Variants in RNASEH2A observed in about 807,000 individuals in gnomAD.
The protein encoded by RNASEH2A is RNase H(35).
Under a neutral mutation model 32.7 loss-of-function variants are expected in RNASEH2A, and 30 were observed. That is an observed-to-expected ratio of 0.92 (90% confidence interval 0.69 to 1.25). RNASEH2A has a LOEUF of 1.25. Ranked by LOEUF, RNASEH2A falls within the 50% of genes most tolerant of loss-of-function variation. RNASEH2A has a pLI of 0.00. For missense variants in RNASEH2A, 409 were observed against 398.1 expected (o/e 1.03, Z -0.23); for synonymous variants, 147 against 165.4 (o/e 0.89, Z 0.86).
intron 6 of RNASEH2A, among the ~76,000 whole-genome samples, chr19:12,812,806 A>C (rs1447798406): frequency 6.6e-6 from 1 of 151,912 alleles, no homozygotes; most frequent in East Asian, 1.9e-4. Context: ...AGCAATTGAG[A>C]CCATCCTGGC....
intron 6 of RNASEH2A, among the ~76,000 whole-genome samples, chr19:12,812,742 C>T (rs907837134): frequency 2.0e-5 from 3 of 150,646 alleles, no homozygotes; most frequent in Non-Finnish European, 3.0e-5. Flanking sequence ...CGTGGTGGCT[C>T]ATGCCTGTAA....
At chr19:12,810,255 A>G (rs770694094) in intron 5 of RNASEH2A, 47 bp downstream of exon 5, 10 of 1,613,998 alleles carry the variant, frequency 6.2e-6, no homozygotes, top group Admixed American at 5.0e-5. Context: ...CCCACTATAT[A>G]GGGGCCAGGC....
intron 1 of RNASEH2A, 97 bp from the exon 2 acceptor site, chr19:12,806,911 A>G (rs1226507264): frequency 1.9e-5 from 31 of 1,599,266 alleles, no homozygotes; most frequent in Non-Finnish European, 2.6e-5. Flanking sequence ...GATGGCACCT[A>G]AAGAAGCAGT....
Position 12,806,645 on chromosome 19 carries a change from T to C in RNASEH2A, c.-29T>C, listed in dbSNP as rs1363454471. The C allele has an allele frequency of 1.9e-6, 3 of 1,569,056 alleles. No individual in the cohort carries two copies. Among genetic ancestry groups the C allele is most frequent in the Non-Finnish European group, 2.6e-6 (3 of 1,157,040 alleles). ...AGACCCGCTCCTGCAGTATTAGTTC[T>C]TGCAGCTGGTGGTGGCGGCTGAGGC... On this transcript the variant is annotated 5_prime_UTR_variant, in exon 1 of 8. Transcript: ENST00000221486.
At chr19:12,809,317 A>G (rs533148396) in intron 4 of RNASEH2A, among the ~76,000 whole-genome samples, 6 of 152,346 alleles carry the variant, frequency 3.9e-5, no homozygotes, top group Middle Eastern at 3.4e-3. Flanking sequence ...ACTTTCCCCC[A>G]GCAGCTCTTG....
intron 4 of RNASEH2A, among the ~76,000 whole-genome samples, chr19:12,809,440 C>G (rs936063381): frequency 6.6e-6 from 1 of 152,184 alleles, no homozygotes; most frequent in Admixed American, 6.5e-5. Flanking sequence ...GAGCCCTCTT[C>G]CCCAGATCTC....
At chr19:12,809,747 C>A (rs969249018) in intron 4 of RNASEH2A, among the ~76,000 whole-genome samples, 1 of 151,866 alleles carries the variant, frequency 6.6e-6, no homozygotes, top group Non-Finnish European at 1.5e-5. Flanking sequence ...AAAGCCTCTT[C>A]AGGAGGTGAG....
At chr19:12,810,455 C>T (rs1185373092) in intron 6 of RNASEH2A, 51 bp downstream of exon 6, 2 of 1,433,354 alleles carry the variant, frequency 1.4e-6, no homozygotes, top group African/African-American at 2.8e-5. Context: ...CAGGGCTGAG[C>T]ACACTTCTGA....
Position 12,807,233 on chromosome 19 carries a change from G to A in RNASEH2A, c.227G>A (p.Arg76Gln), listed in dbSNP as rs747608935. The change falls in exon 3 of 8, where the codon CGG becomes CAG. Residue 76 changes from arginine (R) to glutamine (Q), a missense_variant. By Grantham distance (43) the Arg-to-Gln change is conservative. Coordinates refer to ENST00000221486, the MANE Select transcript of RNASEH2A (RefSeq NM_006397.3). ...ADSKTLLESE[R>Q]ERLFAKMEDT... The stretch of plus-strand genomic sequence containing the variant: ...TCAAAGACCCTATTGGAGAGCGAGC[G>A]GGAAAGGCTGTTTGCGAAAATGGAG... 28 of 1,614,072 alleles carry A rather than the reference G, an allele frequency of 1.7e-5. No homozygotes were observed. In the South Asian group the frequency reaches 2.2e-4, roughly 13 times the overall value.
Position 12,813,176 on chromosome 19 carries a change from T to G in RNASEH2A, c.731T>G (p.Ile244Ser), listed in dbSNP as rs1445144208. 6.2e-7 allele frequency: 1 copy of G among 1,613,864 alleles called. No individual in the cohort carries two copies. ...TTCAGCTGGCGCACGGCCCAGACCATCCTGGAGAAAGAGGCGGAAGATGTT... is the reference window on the plus strand; with the variant it reads ...TTCAGCTGGCGCACGGCCCAGACCAGCCTGGAGAAAGAGGCGGAAGATGTT... ...VRFSWRTAQT[I>S]LEKEAEDVIW... The change falls in exon 7 of 8, where the codon ATC becomes AGC. Residue 244 changes from isoleucine (I) to serine (S), a missense_variant. By Grantham distance (142) the Ile-to-Ser change is moderately radical. Transcript: ENST00000221486.
Position 12,807,328 on chromosome 19 carries a change from C to A in RNASEH2A, c.322C>A (p.Arg108=), listed in dbSNP as rs76436818. Reference sequence around the variant, plus strand: ...CCTCATCTCTACCAGCATGCTTGGGCGGTGAGGGGTCCCCGGGAGGGGCAG... The same window carrying A: ...CCTCATCTCTACCAGCATGCTTGGGAGGTGAGGGGTCCCCGGGAGGGGCAG... ...PNLISTSMLG[R]VKYNLNSLSH... is the part of the protein sequence containing the mutation. The change falls in exon 3 of 8, where the codon CGG becomes AGG. Residue 108 remains arginine, a splice_region_variant and synonymous_variant. Transcript: ENST00000221486. 4.3e-6 allele frequency: 7 copies of A among 1,613,988 alleles called. No individual in the cohort carries two copies. In the East Asian group the frequency reaches 8.9e-5, roughly 21 times the overall value.
Position 12,810,181 on chromosome 19 carries a change from G to A in RNASEH2A, c.522G>A (p.Val174=). 6.2e-7 allele frequency: 1 copy of A among 1,614,230 alleles called. No homozygotes were observed. The highest frequency in any genetic ancestry group is 8.5e-7 in the Non-Finnish European group (1 of 1,180,042). ...VKAKADALYP[V]VSAASICAKV... is the part of the protein sequence containing the mutation. Reference sequence around the variant, plus strand: ...CCAAAGCAGATGCCCTCTACCCGGTGGTTAGTGCTGCCAGCATCTGTGCCA... The same window carrying A: ...CCAAAGCAGATGCCCTCTACCCGGTAGTTAGTGCTGCCAGCATCTGTGCCA... Residue 174 remains valine, a synonymous_variant, in exon 5 of 8, where the codon GTG becomes GTA. Transcript: ENST00000221486.
At position 12,810,349 on chromosome 19, in the gene RNASEH2A, G is replaced by A. The variant is rs949573060; in HGVS notation, c.582G>A (p.Gln194=). The A allele has an allele frequency of 6.2e-7, 1 of 1,614,180 alleles. No individual in the cohort carries two copies. Among genetic ancestry groups the A allele is most frequent in the Non-Finnish European group, 8.5e-7 (1 of 1,180,040 alleles). ...VARDQAVKKW[Q]FVEKLQDLDT... The stretch of plus-strand genomic sequence containing the variant: ...GGGACCAGGCCGTGAAGAAATGGCA[G>A]TTCGTGGAGAAACTGCAGGACTTGG... Residue 194 remains glutamine, a synonymous_variant, in exon 6 of 8, where the codon CAG becomes CAA. Coordinates refer to ENST00000221486, the MANE Select transcript of RNASEH2A (RefSeq NM_006397.3).
intron 4 of RNASEH2A, among the ~76,000 whole-genome samples, chr19:12,808,542 G>A (rs926098761): frequency 2.6e-5 from 4 of 151,998 alleles, no homozygotes; most frequent in African/African-American, 7.2e-5. Context: ...GCTGAGTGTC[G>A]TCTCTCGTCC....
intron 4 of RNASEH2A, among the ~76,000 whole-genome samples, chr19:12,808,397 CCA>C (rs762630547): frequency 2.3e-4 from 35 of 152,116 alleles, no homozygotes; most frequent in Admixed American, 5.9e-4. Flanking sequence ...ACACTGACGA[CCA>C]CAGTGTAGCC....
At chr19:12,810,644 C>T (rs867215966) in intron 6 of RNASEH2A, among the ~76,000 whole-genome samples, 5 of 152,170 alleles carry the variant, frequency 3.3e-5, no homozygotes, top group African/African-American at 4.8e-5. Context: ...GATTCTCCTG[C>T]CTCAGCCTCG....
intron 4 of RNASEH2A, among the ~76,000 whole-genome samples, chr19:12,808,206 C>T (rs1436684408): frequency 1.3e-5 from 2 of 151,504 alleles, no homozygotes; most frequent in Admixed American, 6.6e-5. Context: ...GAGGTGAGAT[C>T]GCGCCATTGC....
At chr19:12,813,006 A>AC in intron 6 of RNASEH2A, 77 bp from the exon 7 acceptor site, 1 of 1,594,856 alleles carries the variant, frequency 6.3e-7, no homozygotes, top group Non-Finnish European at 8.6e-7. Context: ...TCCATCTCAA[A>AC]GAAAAAAAAA....
intron 6 of RNASEH2A, 47 bp downstream of exon 6, chr19:12,810,451 T>C (rs1969057629): frequency 1.4e-6 from 2 of 1,446,632 alleles, no homozygotes; most frequent in African/African-American, 1.4e-5. Context: ...TGGCCAGGGC[T>C]GAGCACACTT....
Sources: allele counts gnomAD v4.1 joint callset (sites outside exome capture counted in the v4.1 genomes callset), GRCh38; gene constraint gnomAD v4.1.1; transcripts MANE v1.5; gene names NCBI Gene and HGNC (gene_info 2026-07-23, HGNC 2026-07-21).